SPATA31D3: variants seen among roughly 807,000 people sequenced by gnomAD.
The protein encoded by SPATA31D3 is SPATA31 subfamily D member 3, also known as spermatogenesis-associated protein 31D3.
For missense variants in SPATA31D3, 91 were observed against 297.9 expected, an observed-to-expected ratio of 0.31 and a Z score of 5.11; for synonymous variants, 27 against 107.8, an observed-to-expected ratio of 0.25 and a Z score of 4.65.
In SPATA31D3 at chr9:81,947,057, T is replaced by TA; in HGVS notation, c.1804_1805insA (p.Cys602Ter). 1 of 120,004 alleles carries TA rather than the reference T, an allele frequency of 8.3e-6. No individual in the cohort carries two copies. The highest frequency in any genetic ancestry group is 1.3e-5 in the Non-Finnish European group (1 of 74,090). 7.4% of individuals were successfully genotyped at this position (120,004 alleles called of 1,614,324 possible). A position where few individuals can be genotyped will look rare whatever the true frequency, so the allele number is the denominator to read the frequency against. The change falls in exon 4 of 4, where the codon TGT becomes TAGT. Residue 602 changes from cysteine to a stop codon, truncating the protein, a stop_gained and frameshift_variant. Coordinates refer to ENST00000445385, the MANE Select transcript of SPATA31D3 (RefSeq NM_207416.3). LOFTEE classifies it low-confidence loss of function (END_TRUNC). ...ATTCCTGATTAGGGTGTGTGGCGTGTGTTTTCATAGACCCCAGAATGAGGC... is the reference window on the plus strand; with the variant it reads ...ATTCCTGATTAGGGTGTGTGGCGTGTAGTTTTCATAGACCCCAGAATGAGGC... ...PLFLIRVCGVCFHRPQNEARS... is the reference protein window; with the variant it reads ...PLFLIRVCGV
chr9:81,949,926 C>G lies in SPATA31D3; in HGVS notation c.*1919C>G. On this transcript the variant is annotated 3_prime_UTR_variant, in exon 4 of 4. Transcript: ENST00000445385. The stretch of plus-strand genomic sequence containing the variant: ...CAGTGTGAAGTCAACCTGGTGCCTC[C>G]GGTCATCCTGACCAGTGCTAAAAAC... 1.7e-6 allele frequency: 1 copy of G among 590,056 alleles called. No homozygotes were observed. Among genetic ancestry groups the G allele is most frequent in the Non-Finnish European group, 3.1e-6 (1 of 325,656 alleles). The allele number at this position is 590,056 out of a possible 1,614,324, so 36.6% of individuals were successfully genotyped here.
intron 3 of SPATA31D3, 126 bp from the exon 4 acceptor site, chr9:81,945,421 A>G: frequency 3.0e-5 from 6 of 202,814 alleles, no homozygotes; most frequent in South Asian, 1.8e-4. Context: ...GAGAGGCTAT[A>G]GTGAGGTCAT....
Position 81,948,220 on chromosome 9 carries a change from A to G in SPATA31D3, c.*213A>G, listed in dbSNP as rs1173589748. On this transcript the variant is annotated 3_prime_UTR_variant, in exon 4 of 4. Transcript: ENST00000445385. The stretch of plus-strand genomic sequence containing the variant: ...AACAACAAGCTCAGTCCCTGTCCTT[A>G]ATCATCCTCAGCCTGTCTCCTCACC... The G allele has an allele frequency of 4.9e-5, 34 of 697,746 alleles. No homozygotes were observed. Among genetic ancestry groups the G allele is most frequent in the Non-Finnish European group, 7.1e-5 (31 of 435,246 alleles). 43.2% of individuals were successfully genotyped at this position (697,746 alleles called of 1,614,324 possible).
In SPATA31D3 at chr9:81,949,829, G is replaced by T; in HGVS notation, c.*1822G>T. The T allele has an allele frequency of 9.1e-7, 1 of 1,100,654 alleles. No homozygotes were observed. Among genetic ancestry groups the T allele is most frequent in the East Asian group, 2.4e-5 (1 of 41,836 alleles). The allele number at this position is 1,100,654 out of a possible 1,614,324, so 68.2% of individuals were successfully genotyped here. A position where few individuals can be genotyped will look rare whatever the true frequency, so the allele number is the denominator to read the frequency against. On this transcript the variant is annotated 3_prime_UTR_variant, in exon 4 of 4. Transcript: ENST00000445385. ...CCCCAGGAAGTTGGACATTTAAGGGGAAGATATTGTGTCAAAGGCATCCCC... is the reference window on the plus strand; with the variant it reads ...CCCCAGGAAGTTGGACATTTAAGGGTAAGATATTGTGTCAAAGGCATCCCC...
In SPATA31D3 at chr9:81,949,982, G is replaced by A; in HGVS notation, c.*1975G>A. 2 of 388,740 alleles carry A rather than the reference G, an allele frequency of 5.1e-6. No homozygotes were observed. Among genetic ancestry groups the A allele is most frequent in the Non-Finnish European group, 9.4e-6 (2 of 212,920 alleles). 24.1% of individuals were successfully genotyped at this position (388,740 alleles called of 1,614,324 possible). A position where few individuals can be genotyped will look rare whatever the true frequency, so the allele number is the denominator to read the frequency against. On this transcript the variant is annotated 3_prime_UTR_variant, in exon 4 of 4. Transcript: ENST00000445385. ...GTTCAGTGATGTGCCTTTACTAACT[G>A]GACAGAAAATACTTCCAAAGCATTT... is the stretch of plus-strand genomic sequence containing the variant.
Position 81,947,829 on chromosome 9 carries a change from G to C in SPATA31D3, c.2576G>C (p.Cys859Ser), listed in dbSNP as rs778645896. 157 of 1,602,886 alleles carry C rather than the reference G, an allele frequency of 9.8e-5. 2 individuals are homozygous for C. The highest frequency in any genetic ancestry group is 4.3e-4 in the East Asian group (19 of 43,938). ...TGGCACTCAGTCAAGCAGACAATAT[G>C]TCTTCCTGAGAAATCCCACAGCCAA... The part of the protein sequence containing the change: ...SSWHSVKQTI[C>S]LPEKSHSQIK... Residue 859 changes from cysteine to serine, a missense_variant, in exon 4 of 4, where the codon TGT becomes TCT. By Grantham distance (112) the Cys-to-Ser change is moderately radical. Coordinates refer to ENST00000445385, the MANE Select transcript of SPATA31D3 (RefSeq NM_207416.3).
Position 81,949,825 on chromosome 9 carries a change from A to G in SPATA31D3, c.*1818A>G. On this transcript the variant is annotated 3_prime_UTR_variant, in exon 4 of 4. Transcript: ENST00000445385. Reference sequence around the variant, plus strand: ...ATAGCCCCAGGAAGTTGGACATTTAAGGGGAAGATATTGTGTCAAAGGCAT... The same window carrying G: ...ATAGCCCCAGGAAGTTGGACATTTAGGGGGAAGATATTGTGTCAAAGGCAT... 8.9e-7 allele frequency: 1 copy of G among 1,119,934 alleles called. No homozygotes were observed. The highest frequency in any genetic ancestry group is 1.3e-6 in the Non-Finnish European group (1 of 746,514). The allele number at this position is 1,119,934 out of a possible 1,614,324, so 69.4% of individuals were successfully genotyped here.
rs202023903 is a variant in SPATA31D3, at chr9:81,949,146, G to T, written c.*1139G>T. The T allele has an allele frequency of 5.8e-5, 33 of 573,590 alleles. No individual in the cohort carries two copies. In the East Asian group the frequency reaches 9.5e-4, roughly 17 times the overall value. The allele number at this position is 573,590 out of a possible 1,614,324, so 35.5% of individuals were successfully genotyped here. A position where few individuals can be genotyped will look rare whatever the true frequency, so the allele number is the denominator to read the frequency against. On this transcript the variant is annotated 3_prime_UTR_variant, in exon 4 of 4. Coordinates refer to ENST00000445385, the MANE Select transcript of SPATA31D3 (RefSeq NM_207416.3). The stretch of plus-strand genomic sequence containing the variant: ...CCAGGGTCCCTACGCATGTCTTACA[G>T]AAATGCCAAGTTAAGAATTTTTCAC...
chr9:81,948,889 C>T lies in SPATA31D3; in HGVS notation c.*882C>T, dbSNP rs1488450176. 2 of 321,074 alleles carry T rather than the reference C, an allele frequency of 6.2e-6. No homozygotes were observed. The highest frequency in any genetic ancestry group is 1.1e-5 in the Non-Finnish European group (2 of 187,262). The allele number at this position is 321,074 out of a possible 1,614,324, so 19.9% of individuals were successfully genotyped here. A position where few individuals can be genotyped will look rare whatever the true frequency, so the allele number is the denominator to read the frequency against. On this transcript the variant is annotated 3_prime_UTR_variant, in exon 4 of 4. Transcript: ENST00000445385. The stretch of plus-strand genomic sequence containing the variant: ...ACCAAGAATATCAGTTCCTCAAACT[C>T]CTAAATCATCATATCTTAAAAATCA...
chr9:81,949,897 C>A lies in SPATA31D3; in HGVS notation c.*1890C>A, dbSNP rs117683185. 1.0e-5 allele frequency: 7 copies of A among 696,536 alleles called. No individual in the cohort carries two copies. Among genetic ancestry groups the A allele is most frequent in the Non-Finnish European group, 1.7e-5 (7 of 403,570 alleles). The allele number at this position is 696,536 out of a possible 1,614,324, so 43.1% of individuals were successfully genotyped here. On this transcript the variant is annotated 3_prime_UTR_variant, in exon 4 of 4. Coordinates refer to ENST00000445385, the MANE Select transcript of SPATA31D3 (RefSeq NM_207416.3). ...AAGCCTGTGCCACAGCCAAACCCCA[C>A]TTGCAGTGTGAAGTCAACCTGGTGC...
chr9:81,949,871 G>A lies in SPATA31D3; in HGVS notation c.*1864G>A. 1 of 833,204 alleles carries A rather than the reference G, an allele frequency of 1.2e-6. No homozygotes were observed. Among genetic ancestry groups the A allele is most frequent in the Non-Finnish European group, 2.0e-6 (1 of 511,052 alleles). The allele number at this position is 833,204 out of a possible 1,614,324, so 51.6% of individuals were successfully genotyped here. A position where few individuals can be genotyped will look rare whatever the true frequency, so the allele number is the denominator to read the frequency against. On this transcript the variant is annotated 3_prime_UTR_variant, in exon 4 of 4. Transcript: ENST00000445385. ...GGCATCCCCAATCCATGCCCCACAG[G>A]AAGCCTGTGCCACAGCCAAACCCCA...
In SPATA31D3 at chr9:81,945,834, C is replaced by G. The variant is rs1253205287; in HGVS notation, c.581C>G (p.Pro194Arg). 1 of 13,002 alleles carries G rather than the reference C, an allele frequency of 7.7e-5. No homozygotes were observed. The highest frequency in any genetic ancestry group is 5.7e-4 in the Admixed American group (1 of 1,740). 0.8% of individuals were successfully genotyped at this position (13,002 alleles called of 1,614,324 possible). A position where few individuals can be genotyped will look rare whatever the true frequency, so the allele number is the denominator to read the frequency against. ...CGGCCTAAGCCCTCTCCACCACCCC[C>G]CTTAATTCTCTCACCTGACCTGATC... is the stretch of plus-strand genomic sequence containing the variant. ...SSRPKPSPPPPLILSPDLITT... is the reference protein window; with the variant it reads ...SSRPKPSPPPRLILSPDLITT... The change falls in exon 4 of 4, where the codon CCC (proline) becomes CGC (arginine). Residue 194 changes from proline (P) to arginine (R), a missense_variant. Transcript: ENST00000445385.
chr9:81,949,798 A>G lies in SPATA31D3; in HGVS notation c.*1791A>G, dbSNP rs1587488635. ...GATTAGACAGATCATAGACAAGGAC[A>G]GATAGCCCCAGGAAGTTGGACATTT... is the stretch of plus-strand genomic sequence containing the variant. On this transcript the variant is annotated 3_prime_UTR_variant, in exon 4 of 4. Coordinates refer to ENST00000445385, the MANE Select transcript of SPATA31D3 (RefSeq NM_207416.3). 8.7e-6 allele frequency: 11 copies of G among 1,267,204 alleles called. No homozygotes were observed. The East Asian group carries it at 2.3e-4, about 27-fold the overall frequency. 78.5% of individuals were successfully genotyped at this position (1,267,204 alleles called of 1,614,324 possible). A position where few individuals can be genotyped will look rare whatever the true frequency, so the allele number is the denominator to read the frequency against.
rs575153602 is a variant in SPATA31D3 at position 81,949,100 on chromosome 9, G to A, written c.*1093G>A. The A allele has an allele frequency of 9.0e-5, 54 of 603,158 alleles. No individual in the cohort carries two copies. Among genetic ancestry groups the A allele is most frequent in the South Asian group, 4.7e-4 (21 of 44,458 alleles). The allele number at this position is 603,158 out of a possible 1,614,324, so 37.4% of individuals were successfully genotyped here. On this transcript the variant is annotated 3_prime_UTR_variant, in exon 4 of 4. Transcript: ENST00000445385. ...GTCCACTTGGAGGTCAGAGGAATCC[G>A]TGTGGCACAGCAGCAGGAGCCCAGG... is the stretch of plus-strand genomic sequence containing the variant.
chr9:81,947,930 A>C lies in SPATA31D3; in HGVS notation c.2677A>C (p.Ser893Arg), dbSNP rs1291561730. The change falls in exon 4 of 4, where the codon AGT (serine) becomes CGT (arginine). Residue 893 changes from serine (S) to arginine (R), a missense_variant. By Grantham distance (110) the Ser-to-Arg change is moderately radical. Coordinates refer to ENST00000445385, the MANE Select transcript of SPATA31D3 (RefSeq NM_207416.3). ...TACCTCCCAGGAGATGTCCTTCCTT[A>C]GTTCCAACAAACAAAAGATGTTGGA... ...VDTSQEMSFLSSNKQKMLEAH... is the reference protein window; with the variant it reads ...VDTSQEMSFLRSNKQKMLEAH... The C allele has an allele frequency of 3.1e-6, 5 of 1,607,812 alleles. No homozygotes were observed. Among genetic ancestry groups the C allele is most frequent in the Non-Finnish European group, 8.5e-7 (1 of 1,177,414 alleles).
In SPATA31D3 at chr9:81,949,272, T is replaced by C; in HGVS notation, c.*1265T>C. ...CCCAACTCAGAAGAAAGAGCCATGC[T>C]ATTCATAACAAGACATCAAGGGAGT... On this transcript the variant is annotated 3_prime_UTR_variant, in exon 4 of 4. Coordinates refer to ENST00000445385, the MANE Select transcript of SPATA31D3 (RefSeq NM_207416.3). 1 of 376,918 alleles carries C rather than the reference T, an allele frequency of 2.7e-6. No homozygotes were observed. Among genetic ancestry groups the C allele is most frequent in the Middle Eastern group, 3.5e-4 (1 of 2,848 alleles). The allele number at this position is 376,918 out of a possible 1,614,324, so 23.3% of individuals were successfully genotyped here. A position where few individuals can be genotyped will look rare whatever the true frequency, so the allele number is the denominator to read the frequency against.
Position 81,949,669 on chromosome 9 carries a change from G to T in SPATA31D3, c.*1662G>T, listed in dbSNP as rs531125084. ...AGAACTGCAGGTCAGAGCAGAGCCT[G>T]TCCAGGGCTATCCCTGCAACTACAT... On this transcript the variant is annotated 3_prime_UTR_variant, in exon 4 of 4. Transcript: ENST00000445385. The T allele has an allele frequency of 2.7e-5, 31 of 1,168,790 alleles. 1 individual carries two copies. Among genetic ancestry groups the T allele is most frequent in the South Asian group, 1.7e-4 (14 of 80,786 alleles). 72.4% of individuals were successfully genotyped at this position (1,168,790 alleles called of 1,614,324 possible).
At position 81,949,417 on chromosome 9, in the gene SPATA31D3, C is replaced by G. The variant is rs920171171; in HGVS notation, c.*1410C>G. ...TAAACCCATCATAACATATGGAAAA[C>G]AAGAAAGTTCCTAGGAAAAGGGTAG... On this transcript the variant is annotated 3_prime_UTR_variant, in exon 4 of 4. Coordinates refer to ENST00000445385, the MANE Select transcript of SPATA31D3 (RefSeq NM_207416.3). 1.1e-5 allele frequency: 4 copies of G among 366,154 alleles called. No individual in the cohort carries two copies. Among genetic ancestry groups the G allele is most frequent in the South Asian group, 7.2e-5 (2 of 27,778 alleles). The allele number at this position is 366,154 out of a possible 1,614,324, so 22.7% of individuals were successfully genotyped here.
chr9:81,949,298 C>G lies in SPATA31D3; in HGVS notation c.*1291C>G, dbSNP rs1464089782. On this transcript the variant is annotated 3_prime_UTR_variant, in exon 4 of 4. Transcript: ENST00000445385. ...ATTCATAACAAGACATCAAGGGAGTCGCTTGGGAGCAAATCTTCCCCAACC... is the reference window on the plus strand; with the variant it reads ...ATTCATAACAAGACATCAAGGGAGTGGCTTGGGAGCAAATCTTCCCCAACC... 2.7e-6 allele frequency: 1 copy of G among 363,672 alleles called. No individual in the cohort carries two copies. The highest frequency in any genetic ancestry group is 2.1e-5 in the African/African-American group (1 of 47,972). The allele number at this position is 363,672 out of a possible 1,614,324, so 22.5% of individuals were successfully genotyped here. A position where few individuals can be genotyped will look rare whatever the true frequency, so the allele number is the denominator to read the frequency against.
Sources: gnomAD v4.1 joint callset for allele counts on GRCh38, gnomAD v4.1.1 for gene constraint, MANE v1.5 for transcripts, NCBI Gene and HGNC (gene_info 2026-07-23, HGNC 2026-07-21) for gene names.